Variants in CNTN4 observed in about 807,000 individuals in gnomAD.
The protein encoded by CNTN4 is contactin 4.
CNTN4 carries 77 observed loss-of-function variants against 122.5 expected under a neutral mutation model. The observed-to-expected ratio is 0.63, with a 90% CI of 0.52 to 0.76. The LOEUF (loss-of-function observed/expected upper bound fraction) is 0.76. CNTN4 is among the 30% of genes least tolerant of loss of function. The pLI is 0.00. For missense variants in CNTN4, 1,256 were observed against 1,259.1 expected (o/e 1.00, Z 0.04); for synonymous variants, 512 against 447.0 (o/e 1.15, Z -1.83).
chr3:2,224,473 G>T (rs1025360497), intron 2 of CNTN4, among the ~76,000 whole-genome samples: 1 of 152,194 alleles, frequency 6.6e-6, no homozygotes. Flanking sequence ...TTGCACATGA[G>T]TTCCTCCAAA....
At chr3:2,560,758 A>G (rs1035949468) in intron 3 of CNTN4, among the ~76,000 whole-genome samples, 1 of 152,168 alleles carries the variant, frequency 6.6e-6, no homozygotes, top group African/African-American at 2.4e-5. Context: ...ATCTTCCCCC[A>G]GTAGAGTAAA....
At chr3:2,883,989 G>T (rs2093940979) in intron 9 of CNTN4, among the ~76,000 whole-genome samples, 1 of 152,154 alleles carries the variant, frequency 6.6e-6, no homozygotes, top group South Asian at 2.1e-4. Context: ...ATCTTCTTTG[G>T]ATTTTAATGA....
intron 13 of CNTN4, among the ~76,000 whole-genome samples, chr3:2,969,643 C>A (rs1423655049): frequency 6.6e-6 from 1 of 152,066 alleles, no homozygotes; most frequent in African/African-American, 2.4e-5. Flanking sequence ...TTTGAATCCC[C>A]TGTAGTGGTT....
chr3:2,191,616 G>A (rs1410061757), intron 2 of CNTN4, among the ~76,000 whole-genome samples: 1 of 151,774 alleles, frequency 6.6e-6, no homozygotes, highest in East Asian at 1.9e-4. Context: ...GGGCAATTCA[G>A]GTCTTCCAAG....
chr3:2,809,693 A>G (rs928082373), intron 6 of CNTN4, among the ~76,000 whole-genome samples: 1 of 152,204 alleles, frequency 6.6e-6, no homozygotes, highest in South Asian at 2.1e-4. Context: ...AAATGCTGGT[A>G]ATAATAGCTT....
chr3:2,186,719 T>C (rs2037286192), intron 2 of CNTN4, among the ~76,000 whole-genome samples: 1 of 152,260 alleles, frequency 6.6e-6, no homozygotes. Context: ...GTTGGCTGCA[T>C]AAATGTCTTC....
Position 2,698,795 on chromosome 3 carries a change from A to T in CNTN4, c.56-37420A>T, listed in dbSNP as rs370674720. ...CACTTTGGGAGGCCAAGGCGGGCGG[A>T]TCACCTGAGGTCAGGAGTTCGAGAT... On this transcript the variant is annotated intron_variant, in intron 4 of 24. Coordinates refer to ENST00000418658, the MANE Select transcript of CNTN4 (RefSeq NM_175607.3). Among the ~76,000 whole-genome samples, 18 of 152,322 alleles carry T rather than the reference A, an allele frequency of 1.2e-4. No homozygotes were observed. In the South Asian group the frequency reaches 3.7e-3, roughly 32 times the overall value.
intron 10 of CNTN4, among the ~76,000 whole-genome samples, chr3:2,899,436 C>A (rs2094149231): frequency 6.6e-6 from 1 of 152,110 alleles, no homozygotes; most frequent in African/African-American, 2.4e-5. Flanking sequence ...TGTAGAAATG[C>A]CCTGTGAACA....
At chr3:2,365,962 G>A (rs1462346111) in intron 3 of CNTN4, among the ~76,000 whole-genome samples, 5 of 152,204 alleles carry the variant, frequency 3.3e-5, no homozygotes, top group Non-Finnish European at 7.3e-5. Flanking sequence ...TAACAGTGGA[G>A]CAATTTAACT....
intron 3 of CNTN4, among the ~76,000 whole-genome samples, chr3:2,347,651 C>A (rs555087124): frequency 7.6e-4 from 113 of 148,886 alleles, no homozygotes; most frequent in African/African-American, 2.8e-3. Context: ...TTCAGGTGAT[C>A]CACCCACCTC....
intron 2 of CNTN4, among the ~76,000 whole-genome samples, chr3:2,198,166 C>T (rs1157402215): frequency 6.6e-6 from 1 of 152,272 alleles, no homozygotes; most frequent in East Asian, 1.9e-4. Context: ...GTAATACTGT[C>T]ATACAAGGAG....
chr3:2,150,545 C>T (rs1210487083), intron 2 of CNTN4, among the ~76,000 whole-genome samples: 2 of 152,152 alleles, frequency 1.3e-5, no homozygotes, highest in African/African-American at 2.4e-5. Context: ...TACAGATCCT[C>T]CCCTGGGGAT....
intron 6 of CNTN4, among the ~76,000 whole-genome samples, chr3:2,777,333 A>G (rs938430012): frequency 1.3e-5 from 2 of 152,240 alleles, no homozygotes; most frequent in Non-Finnish European, 2.9e-5. Context: ...GTAAAGAAAG[A>G]TGGAAAACAA....
intron 3 of CNTN4, among the ~76,000 whole-genome samples, chr3:2,558,019 T>C (rs1006822963): frequency 6.6e-6 from 1 of 152,194 alleles, no homozygotes; most frequent in African/African-American, 2.4e-5. Context: ...TGTATGTACA[T>C]ATCTTTCAAG....
At chr3:2,419,003 G>A (rs1424139827) in intron 3 of CNTN4, among the ~76,000 whole-genome samples, 1 of 152,116 alleles carries the variant, frequency 6.6e-6, no homozygotes, top group Non-Finnish European at 1.5e-5. Context: ...AGAATCTTAT[G>A]GGAAAAGTCA....
intron 13 of CNTN4, among the ~76,000 whole-genome samples, chr3:2,939,018 T>C (rs1413065377): frequency 6.6e-6 from 1 of 152,210 alleles, no homozygotes; most frequent in Non-Finnish European, 1.5e-5. Flanking sequence ...CTCCTAACTT[T>C]GTCATCTCTA....
At chr3:2,523,813 C>G (rs1035888587) in intron 3 of CNTN4, among the ~76,000 whole-genome samples, 4 of 151,998 alleles carry the variant, frequency 2.6e-5, no homozygotes, top group Non-Finnish European at 5.9e-5. Flanking sequence ...AAATGAATGA[C>G]TCACTTTTTC....
chr3:2,212,401 A>G (rs1250123797), intron 2 of CNTN4, among the ~76,000 whole-genome samples: 3 of 152,198 alleles, frequency 2.0e-5, no homozygotes, highest in Non-Finnish European at 4.4e-5. Flanking sequence ...TGATTAACTC[A>G]CAGTTCCACA....
At chr3:2,548,987 T>C (rs979248319) in intron 3 of CNTN4, among the ~76,000 whole-genome samples, 3 of 152,160 alleles carry the variant, frequency 2.0e-5, no homozygotes, top group African/African-American at 7.2e-5. Flanking sequence ...TGTCTATTTT[T>C]GGTGTTTAGG....
Sources: allele counts gnomAD v4.1 joint callset (sites outside exome capture counted in the v4.1 genomes callset), GRCh38; gene constraint gnomAD v4.1.1; transcripts MANE v1.5; gene names NCBI Gene and HGNC (gene_info 2026-07-23, HGNC 2026-07-21).